RPL14: variants seen among roughly 807,000 people sequenced by gnomAD.
RPL14 encodes the protein ribosomal protein L14.
A neutral mutation model predicts 25.3 loss-of-function variants in RPL14; 4 were observed. That is an observed-to-expected ratio of 0.16 (90% CI 0.08 to 0.36). The LOEUF is 0.36. Ranked by LOEUF, RPL14 falls within the 10% of genes least tolerant of loss-of-function variation. RPL14 has a pLI of 1.00. For missense variants in RPL14, 212 were observed against 261.9 expected, an observed-to-expected ratio of 0.81 and a Z score of 1.31; for synonymous variants, 75 against 89.8, an observed-to-expected ratio of 0.84 and a Z score of 0.93.
At chr3:40,459,474 T>C (rs982127905) in intron 3 of RPL14, among the ~76,000 whole-genome samples, 6 of 152,224 alleles carry the variant, frequency 3.9e-5, no homozygotes, top group African/African-American at 1.4e-4. Flanking sequence ...TAAAACACTT[T>C]AGTGTGTTGC....
intron 2 of RPL14, 105 bp from the exon 3 acceptor site, chr3:40,458,537 G>C: frequency 2.6e-6 from 2 of 783,324 alleles, no homozygotes; most frequent in Non-Finnish European, 4.4e-6. Flanking sequence ...TAAAATAGTA[G>C]TGTGGGTTTG....
chr3:40,464,136 T>C lies in RPL14; in HGVS notation c.*1904T>C, dbSNP rs1559530058. On this transcript the variant is annotated 3_prime_UTR_variant, in exon 6 of 6. Coordinates refer to ENST00000396203, the MANE Select transcript of RPL14 (RefSeq NM_001034996.3). The stretch of plus-strand genomic sequence containing the variant: ...CGTGTACCACCATGCCCCTCTAATA[T>C]TGTATTAGAGATGGGGTTTTGCCAT... The C allele has an allele frequency of 1.5e-5, 4 of 272,968 alleles. No homozygotes were observed. The highest frequency in any genetic ancestry group is 1.2e-4 in the South Asian group (3 of 25,104). 16.9% of individuals were successfully genotyped at this position (272,968 alleles called of 1,614,324 possible).
Position 40,464,293 on chromosome 3 carries a change from C to G in RPL14, c.*2061C>G, listed in dbSNP as rs779278509. 9.1e-5 allele frequency: 32 copies of G among 351,792 alleles called. No individual in the cohort carries two copies. The highest frequency in any genetic ancestry group is 6.2e-4 in the African/African-American group (29 of 46,894). The allele number at this position is 351,792 out of a possible 1,614,324, so 21.8% of individuals were successfully genotyped here. A position where few individuals can be genotyped will look rare whatever the true frequency, so the allele number is the denominator to read the frequency against. ...ATTTTAAATAAATTTGTTTCCTAAC[C>G]AAAAGCTAGCTTCAGGCGTCACTGG... On this transcript the variant is annotated 3_prime_UTR_variant, in exon 6 of 6. Coordinates refer to ENST00000396203, the MANE Select transcript of RPL14 (RefSeq NM_001034996.3).
chr3:40,457,868 G>T (rs769259935), intron 1 of RPL14, 22 bp from the exon 2 acceptor site: 1 of 1,606,036 alleles, frequency 6.2e-7, no homozygotes, highest in Non-Finnish European at 8.5e-7. Flanking sequence ...AAGTTTCACT[G>T]TCCTTTCTCC....
At chr3:40,461,860 G>A in intron 5 of RPL14, 79 bp from the exon 6 acceptor site, 1 of 1,465,984 alleles carries the variant, frequency 6.8e-7, no homozygotes. Flanking sequence ...ACTACTTAAT[G>A]CCCTTTCTAA....
intron 3 of RPL14, among the ~76,000 whole-genome samples, chr3:40,459,858 C>CAAA (rs10682822): frequency 0.24 from 21,349 of 90,170 alleles, 3,740 homozygotes; most frequent in East Asian, 0.46. Flanking sequence ...GACTCCGTTT[C>CAAA]AAAAAAAAAA....
chr3:40,457,616 G>C, intron 1 of RPL14, 142 bp downstream of exon 1: 2 of 714,986 alleles, frequency 2.8e-6, no homozygotes, highest in Non-Finnish European at 4.6e-6. Flanking sequence ...TCCGCCGCTG[G>C]AGCTGGATGG....
rs35229215 is a variant in RPL14 at position 40,462,373 on chromosome 3, C to CTTTTTTTT, written c.*155_*162dup. On this transcript the variant is annotated 3_prime_UTR_variant, in exon 6 of 6. Coordinates refer to ENST00000396203, the MANE Select transcript of RPL14 (RefSeq NM_001034996.3). ...ATAATAAACATTAAATAATCAGTTC[C>CTTTTTTTT]TTTTTTTTTTTTTTTTTTTTTGAGA... 201 of 332,488 alleles carry CTTTTTTTT rather than the reference C, an allele frequency of 6.0e-4. 4 individuals carry two copies. The highest frequency in any genetic ancestry group is 6.0e-3 in the African/African-American group (171 of 28,640). 20.6% of individuals were successfully genotyped at this position (332,488 alleles called of 1,614,324 possible).
intron 2 of RPL14, chr3:40,458,299 A>G (rs1696876018): frequency 3.9e-6 from 2 of 518,584 alleles, no homozygotes; most frequent in Admixed American, 3.5e-5. Context: ...TTTTGTATTT[A>G]CTGCTGTGTA....
At chr3:40,460,799 C>CT (rs1335285441) in intron 3 of RPL14, among the ~76,000 whole-genome samples, 1 of 152,076 alleles carries the variant, frequency 6.6e-6, no homozygotes, top group African/African-American at 2.4e-5. Context: ...CCAACCTGGT[C>CT]TTGAACTCCT....
At position 40,468,104 on chromosome 3, in the gene RPL14, G is replaced by C. The variant is rs753073804; in HGVS notation, c.*5872G>C. 5 of 152,260 alleles carry C rather than the reference G, an allele frequency of 3.3e-5. No individual in the cohort carries two copies. The highest frequency in any genetic ancestry group is 7.3e-5 in the Non-Finnish European group (5 of 68,070). 9.4% of individuals were successfully genotyped at this position (152,260 alleles called of 1,614,324 possible). A position where few individuals can be genotyped will look rare whatever the true frequency, so the allele number is the denominator to read the frequency against. On this transcript the variant is annotated 3_prime_UTR_variant, in exon 6 of 6. Transcript: ENST00000396203. Reference sequence around the variant, plus strand: ...GTGATCCACTCCCCAGTCTCCCAAAGTACTGGGATTACAGGCGTGAGCCAC... The same window carrying C: ...GTGATCCACTCCCCAGTCTCCCAAACTACTGGGATTACAGGCGTGAGCCAC...
Position 40,457,403 on chromosome 3 carries a change from G to T in RPL14, c.-69G>T, listed in dbSNP as rs756964443. ...TGCGGGCTCCGGGGCCGTCGACCAT[G>T]CCGCTCGACCTCCACCTCCGCTGGG... On this transcript the variant is annotated 5_prime_UTR_variant, in exon 1 of 6. The change abolishes an upstream ATG in the 5' untranslated region. Coordinates refer to ENST00000396203, the MANE Select transcript of RPL14 (RefSeq NM_001034996.3). The T allele has an allele frequency of 3.1e-6, 5 of 1,598,292 alleles. No homozygotes were observed. In the Admixed American group the frequency reaches 8.5e-5, roughly 27 times the overall value.
chr3:40,461,867 C>G, intron 5 of RPL14, 72 bp from the exon 6 acceptor site: 1 of 1,503,682 alleles, frequency 6.7e-7, no homozygotes, highest in Non-Finnish European at 8.9e-7. Context: ...AATGCCCTTT[C>G]TAAAACCAGC....
In RPL14 at chr3:40,464,395, C is replaced by G. The variant is rs11129881; in HGVS notation, c.*2163C>G. On this transcript the variant is annotated 3_prime_UTR_variant, in exon 6 of 6. Coordinates refer to ENST00000396203, the MANE Select transcript of RPL14 (RefSeq NM_001034996.3). ...GTAATAAGGAAAATATGGATGATTT[C>G]GGATTACCTGTTCTACTCTGGGAGG... 446,420 of 452,214 alleles carry G rather than the reference C, an allele frequency of 0.99. 220,494 individuals are homozygous for G. Among genetic ancestry groups the G allele is most frequent in the East Asian group, 1 (14,364 of 14,364 alleles). 28.0% of individuals were successfully genotyped at this position (452,214 alleles called of 1,614,324 possible).
chr3:40,457,585 C>G, intron 1 of RPL14, 111 bp downstream of exon 1: 1 of 910,154 alleles, frequency 1.1e-6, no homozygotes, highest in South Asian at 1.5e-5. Flanking sequence ...CCTGGCGCGC[C>G]TTGGGCCACG....
At position 40,465,546 on chromosome 3, in the gene RPL14, T is replaced by A. The variant is rs1697016045; in HGVS notation, c.*3314T>A. ...TAGGAAATTAAGGACTTTTCACCTT[T>A]ATCTCTGAAATTTCTCTGGAGTTAG... On this transcript the variant is annotated 3_prime_UTR_variant, in exon 6 of 6. Transcript: ENST00000396203. The A allele has an allele frequency of 6.6e-6, 1 of 152,222 alleles. No homozygotes were observed. Among genetic ancestry groups the A allele is most frequent in the Non-Finnish European group, 1.5e-5 (1 of 68,046 alleles). 9.4% of individuals were successfully genotyped at this position (152,222 alleles called of 1,614,324 possible).
At position 40,461,655 on chromosome 3, in the gene RPL14, G is replaced by A; in HGVS notation, c.348G>A (p.Lys116=). 6.2e-7 allele frequency: 1 copy of A among 1,602,142 alleles called. No individual in the cohort carries two copies. ...DFDRFKVMKA[K]KMRNRIIKNE... ...ATCGTTTTAAAGTTATGAAGGCAAA[G>A]AAAATGGTAAGATTTAAGATCTGTA... Residue 116 remains lysine, a synonymous_variant, in exon 5 of 6, where the codon AAG becomes AAA. Coordinates refer to ENST00000396203, the MANE Select transcript of RPL14 (RefSeq NM_001034996.3).
rs144367341 is a variant in RPL14, at chr3:40,457,922, G to A, written c.36G>A (p.Val12=). 4 of 1,614,218 alleles carry A rather than the reference G, an allele frequency of 2.5e-6. No individual in the cohort carries two copies. The highest frequency in any genetic ancestry group is 3.4e-6 in the Non-Finnish European group (4 of 1,180,038). Residue 12 remains valine (V), a synonymous_variant, in exon 2 of 6, where the codon GTG becomes GTA. Transcript: ENST00000396203. Reference sequence around the variant, plus strand: ...GGCGCTTCGTGGAGGTTGGCCGGGTGGCCTATGTCTCCTTTGGACCTCATG... The same window carrying A: ...GGCGCTTCGTGGAGGTTGGCCGGGTAGCCTATGTCTCCTTTGGACCTCATG... The part of the protein sequence containing the change: ...VFRRFVEVGR[V]AYVSFGPHAG...
At chr3:40,457,852 C>T in intron 1 of RPL14, 38 bp from the exon 2 acceptor site, 1 of 1,556,432 alleles carries the variant, frequency 6.4e-7, no homozygotes, top group Non-Finnish European at 8.9e-7. Flanking sequence ...GCGAGTATTT[C>T]TAAGTAAGTT....
Sources: allele counts gnomAD v4.1 joint callset (sites outside exome capture counted in the v4.1 genomes callset), GRCh38; gene constraint gnomAD v4.1.1; transcripts MANE v1.5; gene names NCBI Gene and HGNC (gene_info 2026-07-23, HGNC 2026-07-21).